SGCZ: variants seen among roughly 807,000 people sequenced by gnomAD.
The protein encoded by SGCZ is zeta-sarcoglycan.
In SGCZ, 40 loss-of-function variants were observed where a neutral mutation model predicts 41.3. The ratio of observed to expected loss-of-function variants is 0.97; its 90% CI spans 0.75 to 1.26. The LOEUF (loss-of-function observed/expected upper bound fraction) is 1.26. Among genes scored for constraint, SGCZ ranks in the 50% most tolerant of loss-of-function variants. The pLI is 0.00. For missense variants in SGCZ, 552 were observed against 369.8 expected (o/e 1.49, Z -4.04); for synonymous variants, 206 against 137.5 (o/e 1.50, Z -3.49).
intron 1 of SGCZ, among the ~76,000 whole-genome samples, chr8:15,086,593 A>G (rs984950003): frequency 1.3e-5 from 2 of 152,186 alleles, no homozygotes; most frequent in African/African-American, 4.8e-5. Context: ...CAATGTGTAC[A>G]TAGTGAAGCT....
intron 1 of SGCZ, among the ~76,000 whole-genome samples, chr8:14,891,283 A>G (rs188937971): frequency 6.6e-6 from 1 of 152,344 alleles, no homozygotes; most frequent in African/African-American, 2.4e-5. Flanking sequence ...AGTACTGTGA[A>G]GAAGATCCAT....
chr8:14,400,592 T>A (rs4831580), intron 2 of SGCZ, among the ~76,000 whole-genome samples: 20 of 152,116 alleles, frequency 1.3e-4, no homozygotes, highest in African/African-American at 4.1e-4. Flanking sequence ...ATTATCAGGT[T>A]ACTTTGCTTT....
At chr8:14,498,414 C>T (rs1802055360) in intron 2 of SGCZ, among the ~76,000 whole-genome samples, 2 of 152,140 alleles carry the variant, frequency 1.3e-5, no homozygotes, top group African/African-American at 2.4e-5. Context: ...CATAATGAAG[C>T]ATGGCTATCA....
intron 1 of SGCZ, among the ~76,000 whole-genome samples, chr8:14,779,729 AG>A (rs551358470): frequency 3.3e-5 from 5 of 152,346 alleles, no homozygotes; most frequent in Admixed American, 3.3e-4. Flanking sequence ...GATAGGGTTT[AG>A]TTGGTGTGGG....
chr8:14,414,587 T>G (rs1169054422), intron 2 of SGCZ, among the ~76,000 whole-genome samples: 1 of 151,954 alleles, frequency 6.6e-6, no homozygotes, highest in African/African-American at 2.4e-5. Context: ...TAAAAATAAC[T>G]TAGTTTAAGG....
At chr8:14,715,443 T>A (rs1809656393) in intron 1 of SGCZ, among the ~76,000 whole-genome samples, 2 of 151,972 alleles carry the variant, frequency 1.3e-5, no homozygotes, top group Admixed American at 1.3e-4. Context: ...TGCCCACCTA[T>A]CTATGGCATA....
At chr8:14,184,772 G>C (rs1804849762) in intron 4 of SGCZ, among the ~76,000 whole-genome samples, 1 of 152,112 alleles carries the variant, frequency 6.6e-6, no homozygotes, top group South Asian at 2.1e-4. Context: ...CCATATGTGG[G>C]CTTAATCTTT....
At chr8:14,114,295 T>G (rs10104893) in intron 5 of SGCZ, among the ~76,000 whole-genome samples, 22,462 of 151,982 alleles carry the variant, frequency 0.15, 1,855 homozygotes, top group African/African-American at 0.22. Context: ...GTGTATCTCC[T>G]TGTTTAACAC....
At chr8:14,526,863 T>C (rs942397344) in intron 2 of SGCZ, among the ~76,000 whole-genome samples, 6 of 152,130 alleles carry the variant, frequency 3.9e-5, no homozygotes, top group Admixed American at 6.6e-5. Flanking sequence ...CAAATTCCAC[T>C]ATGTGATCAA....
chr8:14,909,301 C>A (rs913325302), intron 1 of SGCZ, among the ~76,000 whole-genome samples: 2 of 152,138 alleles, frequency 1.3e-5, no homozygotes, highest in Non-Finnish European at 2.9e-5. Context: ...AGTTGTCTAC[C>A]TGGCCAAATA....
At chr8:14,600,941 G>A (rs541022698) in intron 1 of SGCZ, among the ~76,000 whole-genome samples, 11 of 151,088 alleles carry the variant, frequency 7.3e-5, no homozygotes, top group Non-Finnish European at 1.5e-4. Context: ...TCTTGATTCT[G>A]AATCGGAGAT....
chr8:14,460,155 C>A (rs548610045), intron 2 of SGCZ, among the ~76,000 whole-genome samples: 2 of 152,252 alleles, frequency 1.3e-5, no homozygotes, highest in East Asian at 1.9e-4. Flanking sequence ...TACATGAATT[C>A]TCTTTGCTAA....
Position 14,695,753 on chromosome 8 carries a change from A to G in SGCZ, c.40-140827T>C, listed in dbSNP as rs1241706944. On this transcript the variant is annotated intron_variant, in intron 1 of 7. Transcript: ENST00000382080. ...AGTTTTCAAAGATGCATGCATATCT[A>G]AGGGCACAAATTAATTAAATTCACT... 3.3e-5 allele frequency among the ~76,000 whole-genome samples: 5 copies of G among 151,984 alleles called. No homozygotes were observed. The East Asian group carries it at 9.7e-4, about 29-fold the overall frequency.
chr8:15,099,535 G>A (rs944446240), intron 1 of SGCZ, among the ~76,000 whole-genome samples: 1 of 152,148 alleles, frequency 6.6e-6, no homozygotes, highest in Non-Finnish European at 1.5e-5. Flanking sequence ...AACATTTGAT[G>A]AAGAAATGAT....
chr8:14,220,206 C>A (rs1191007446), intron 4 of SGCZ, among the ~76,000 whole-genome samples: 3 of 152,056 alleles, frequency 2.0e-5, no homozygotes, highest in African/African-American at 4.8e-5. Context: ...CTGAACTGAA[C>A]TGAAAACTTC....
chr8:14,995,767 T>C (rs1328455225), intron 1 of SGCZ, among the ~76,000 whole-genome samples: 1 of 152,202 alleles, frequency 6.6e-6, no homozygotes, highest in Non-Finnish European at 1.5e-5. Context: ...GTATCAATAT[T>C]ACTACTAAAA....
At chr8:14,866,652 T>C (rs914223966) in intron 1 of SGCZ, among the ~76,000 whole-genome samples, 1 of 151,778 alleles carries the variant, frequency 6.6e-6, no homozygotes, top group African/African-American at 2.4e-5. Flanking sequence ...TCTACAAAAA[T>C]ACAAAGAATG....
At chr8:14,855,313 G>T (rs1430134363) in intron 1 of SGCZ, among the ~76,000 whole-genome samples, 1 of 152,140 alleles carries the variant, frequency 6.6e-6, no homozygotes, top group African/African-American at 2.4e-5. Context: ...GCCTCACAAA[G>T]TGCTGGGATT....
chr8:14,367,127 C>T (rs1213749997), intron 2 of SGCZ, among the ~76,000 whole-genome samples: 1 of 152,130 alleles, frequency 6.6e-6, no homozygotes, highest in South Asian at 2.1e-4. Context: ...TCATCTTTCT[C>T]ATGTTCGAAG....
Sources: allele counts gnomAD v4.1 joint callset (sites outside exome capture counted in the v4.1 genomes callset), GRCh38; gene constraint gnomAD v4.1.1; transcripts MANE v1.5; gene names NCBI Gene and HGNC (gene_info 2026-07-23, HGNC 2026-07-21).